COMMD7: variants seen among roughly 807,000 people sequenced by gnomAD.
COMMD7 encodes COMM domain containing 7.
COMMD7 carries 28 observed loss-of-function variants against 34.8 expected under a neutral mutation model. The observed-to-expected ratio is 0.80, with a 90% confidence interval of 0.60 to 1.10. The LOEUF (loss-of-function observed/expected upper bound fraction) is 1.10. COMMD7 is among the 50% of genes least tolerant of loss of function. The pLI is 0.00. For missense variants in COMMD7, 211 were observed against 241.6 expected, an observed-to-expected ratio of 0.87 and a Z score of 0.84; for synonymous variants, 80 against 86.4, an observed-to-expected ratio of 0.93 and a Z score of 0.41.
intron 1 of COMMD7, among the ~76,000 whole-genome samples, chr20:32,740,788 T>C (rs1175265459): frequency 1.5e-5 from 2 of 132,752 alleles, no homozygotes; most frequent in Non-Finnish European, 3.1e-5. Flanking sequence ...CAGTGAGCAA[T>C]GGGTGACAGA....
Position 32,703,321 on chromosome 20 carries a change from C to T in COMMD7, c.*61G>A. On this transcript the variant is annotated 3_prime_UTR_variant, in exon 9 of 9. Transcript: ENST00000278980. The stretch of plus-strand genomic sequence containing the variant: ...CCTGTGAGTGAAGTGCCTCTCAGAG[C>T]AGTCACCCAGGGAAGGGAGGAGGGC... 6.8e-7 allele frequency: 1 copy of T among 1,478,094 alleles called. No individual in the cohort carries two copies. Among genetic ancestry groups the T allele is most frequent in the Non-Finnish European group, 9.4e-7 (1 of 1,066,182 alleles). The allele number at this position is 1,478,094 out of a possible 1,614,324, so 91.6% of individuals were successfully genotyped here. A position where few individuals can be genotyped will look rare whatever the true frequency, so the allele number is the denominator to read the frequency against.
intron 1 of COMMD7, among the ~76,000 whole-genome samples, chr20:32,740,815 A>G (rs80102900): frequency 6.8e-6 from 1 of 147,800 alleles, no homozygotes; most frequent in African/African-American, 2.5e-5. Flanking sequence ...CCCTGCCTCA[A>G]AAAAAAAAAA....
At chr20:32,703,886 A>G (rs766003574) in intron 8 of COMMD7, 137 bp downstream of exon 8, 1 of 1,555,762 alleles carries the variant, frequency 6.4e-7, no homozygotes, top group Admixed American at 1.9e-5. Flanking sequence ...TCAGGAGAGG[A>G]AAGGCAGTGG....
intron 3 of COMMD7, among the ~76,000 whole-genome samples, chr20:32,725,017 G>A (rs1468290804): frequency 6.6e-6 from 1 of 151,498 alleles, no homozygotes; most frequent in African/African-American, 2.4e-5. Flanking sequence ...GGTCAGGCTG[G>A]TCTCAAAATA....
chr20:32,722,653 G>A (rs1161238049), intron 3 of COMMD7, among the ~76,000 whole-genome samples: 1 of 151,412 alleles, frequency 6.6e-6, no homozygotes. Flanking sequence ...GAACCCGGGA[G>A]GTGGAGGTTG....
At chr20:32,723,079 T>TGCACTTTAGGCACCATGTTGGTCAGG (rs1156533738) in intron 3 of COMMD7, among the ~76,000 whole-genome samples, 10 of 57,318 alleles carry the variant, frequency 1.7e-4, no homozygotes, top group African/African-American at 4.8e-4. Context: ...CTTGTGATCC[T>TGCACTTTAGGCACCATGTTGGTCAGG]CTCCCTCTCC....
At chr20:32,706,512 C>CAAA in intron 5 of COMMD7, 71 bp downstream of exon 5, 28 of 1,070,736 alleles carry the variant, frequency 2.6e-5, no homozygotes, top group African/African-American at 3.9e-5. Context: ...GACTCCATCT[C>CAAA]AAAAAAAAAA....
intron 3 of COMMD7, among the ~76,000 whole-genome samples, chr20:32,709,076 C>G (rs1211861962): frequency 6.6e-6 from 1 of 152,140 alleles, no homozygotes; most frequent in Non-Finnish European, 1.5e-5. Flanking sequence ...CCCAACCAAG[C>G]TGCACCCAAA....
intron 1 of COMMD7, among the ~76,000 whole-genome samples, chr20:32,734,163 A>G (rs1218114713): frequency 6.8e-6 from 1 of 147,954 alleles, no homozygotes; most frequent in Non-Finnish European, 1.5e-5. Flanking sequence ...CCTGGGCAAC[A>G]GAGCGAGACT....
intron 3 of COMMD7, 93 bp from the exon 4 acceptor site, chr20:32,706,853 A>T (rs28548540): frequency 1.0e-6 from 1 of 980,322 alleles, no homozygotes; most frequent in Non-Finnish European, 1.6e-6. Context: ...GACCTAAAGG[A>T]CAAAAGGAAC....
intron 3 of COMMD7, among the ~76,000 whole-genome samples, chr20:32,727,534 CAAAAA>C (rs11480967): frequency 1.2e-5 from 1 of 83,978 alleles, no homozygotes; most frequent in Non-Finnish European, 2.6e-5. Context: ...GATTCTGTCT[CAAAAA>C]AAAAAAAAAA....
chr20:32,710,792 T>A (rs1984393212), intron 3 of COMMD7, among the ~76,000 whole-genome samples: 1 of 147,736 alleles, frequency 6.8e-6, no homozygotes, highest in Non-Finnish European at 1.5e-5. Context: ...CTGCATAATA[T>A]AATGTCAAGA....
intron 1 of COMMD7, among the ~76,000 whole-genome samples, chr20:32,741,685 C>T (rs1032712461): frequency 7.9e-5 from 12 of 152,128 alleles, no homozygotes; most frequent in Admixed American, 3.3e-4. Context: ...CGTGCCCGGC[C>T]TATTTTTTAT....
intron 1 of COMMD7, among the ~76,000 whole-genome samples, 175 bp from the exon 2 acceptor site, chr20:32,728,317 AC>A (rs1433301813): frequency 1.3e-5 from 2 of 151,988 alleles, no homozygotes; most frequent in African/African-American, 4.8e-5. Flanking sequence ...GTGTCAATAT[AC>A]CTGTGTCGCT....
In COMMD7 at chr20:32,726,962, G is replaced by A. The variant is rs527530133; in HGVS notation, c.241+931C>T. On this transcript the variant is annotated intron_variant, in intron 3 of 8. Transcript: ENST00000278980. ...CACTTGAACTGAACCTGGGCATGGT[G>A]GCTTATACCTGTAATCCTAGCACTT... Among the ~76,000 whole-genome samples, 3 of 152,248 alleles carry A rather than the reference G, an allele frequency of 2.0e-5. No individual in the cohort carries two copies. In the East Asian group the frequency reaches 5.8e-4, roughly 29 times the overall value.
chr20:32,740,800 C>T (rs1449881151), intron 1 of COMMD7, among the ~76,000 whole-genome samples: 13 of 130,812 alleles, frequency 9.9e-5, no homozygotes, highest in Middle Eastern at 4.2e-3. Context: ...GGTGACAGAG[C>T]GAGACCCTGC....
intron 3 of COMMD7, among the ~76,000 whole-genome samples, chr20:32,713,028 G>A (rs868412845): frequency 6.7e-6 from 1 of 150,166 alleles, no homozygotes; most frequent in Non-Finnish European, 1.5e-5. Context: ...CACTGTGCCC[G>A]TCCTCTTTCT....
intron 1 of COMMD7, among the ~76,000 whole-genome samples, chr20:32,729,640 G>C (rs563590960): frequency 5.3e-5 from 8 of 151,874 alleles, no homozygotes; most frequent in African/African-American, 1.9e-4. Context: ...AGGAAGGAGG[G>C]AGTCATCTAC....
intron 3 of COMMD7, among the ~76,000 whole-genome samples, chr20:32,710,560 A>G (rs752344809): frequency 3.3e-5 from 5 of 151,490 alleles, no homozygotes; most frequent in Non-Finnish European, 1.5e-5. Flanking sequence ...GGGAGACCCC[A>G]TCTCTACAAA....
Sources: gnomAD v4.1 joint callset for allele counts (sites outside exome capture counted in the v4.1 genomes callset) on GRCh38, gnomAD v4.1.1 for gene constraint, MANE v1.5 for transcripts, NCBI Gene and HGNC (gene_info 2026-07-23, HGNC 2026-07-21) for gene names.